Variants in SEC23A observed in about 807,000 individuals in gnomAD.
The protein encoded by SEC23A is SEC23 homolog A, COPII component, also known as protein transport protein Sec23A.
In SEC23A, 56 loss-of-function variants were observed where a neutral mutation model predicts 103.7. The observed-to-expected ratio is 0.54, with a 90% CI of 0.44 to 0.67. SEC23A has a LOEUF of 0.67. Ranked by LOEUF, SEC23A falls within the 30% of genes least tolerant of loss-of-function variation. SEC23A has a pLI of 0.00. For synonymous variants in SEC23A, 281 were observed against 293.0 expected (o/e 0.96, Z 0.42); for missense variants, 784 against 936.4 (o/e 0.84, Z 2.12).
intron 7 of SEC23A, among the ~76,000 whole-genome samples, chr14:39,077,466 C>G (rs151287050): frequency 6.6e-6 from 1 of 151,598 alleles, no homozygotes; most frequent in African/African-American, 2.4e-5. Context: ...TGCTTGAACC[C>G]GGGAGGTGGA....
chr14:39,073,601 CTCTT>C (rs1477698630), intron 9 of SEC23A, among the ~76,000 whole-genome samples: 1 of 135,404 alleles, frequency 7.4e-6, no homozygotes. Context: ...GCTCTGATTC[CTCTT>C]TTTTTTTTTT....
intron 15 of SEC23A, chr14:39,047,466 G>T: frequency 8.7e-7 from 1 of 1,151,362 alleles, no homozygotes; most frequent in Non-Finnish European, 1.1e-6. Context: ...CTGGGTTATA[G>T]ATCAATCAGC....
chr14:39,067,343 G>A lies in SEC23A; in HGVS notation c.1104-47C>T, dbSNP rs773286628. ...ACAACATACTTGACACAGTTACTGA[G>A]TCCGTGTGTTAAAATCGTAGAAGAA... On this transcript the variant is annotated intron_variant, in intron 9 of 19. Transcript: ENST00000307712. 17 of 1,607,730 alleles carry A rather than the reference G, an allele frequency of 1.1e-5. No homozygotes were observed. In the South Asian group the frequency reaches 1.2e-4, roughly 11 times the overall value.
chr14:39,073,699 ACCCGGGTTCAAGCAATTCT>A (rs1465061581), intron 9 of SEC23A, among the ~76,000 whole-genome samples: 4 of 114,056 alleles, frequency 3.5e-5, no homozygotes. Context: ...AACCTCTGCC[ACCCGGGTTCAAGCAATTCT>A]CCTGCCTCAG....
In SEC23A at chr14:39,033,003, A is replaced by G. The variant is rs566653081; in HGVS notation, c.*236T>C. 42 of 496,206 alleles carry G rather than the reference A, an allele frequency of 8.5e-5. No individual in the cohort carries two copies. Among genetic ancestry groups the G allele is most frequent in the African/African-American group, 6.8e-4 (35 of 51,820 alleles). The allele number at this position is 496,206 out of a possible 1,614,324, so 30.7% of individuals were successfully genotyped here. ...ACATAATTAAGTTATAAAGACTTCA[A>G]ATTTCTAGAACCAGCTATAACACTG... On this transcript the variant is annotated 3_prime_UTR_variant, in exon 20 of 20. Coordinates refer to ENST00000307712, the MANE Select transcript of SEC23A (RefSeq NM_006364.4).
Position 39,092,573 on chromosome 14 carries a change from G to C in SEC23A, c.334C>G (p.Pro112Ala). The C allele has an allele frequency of 6.2e-7, 1 of 1,611,196 alleles. No homozygotes were observed. Among genetic ancestry groups the C allele is most frequent in the Non-Finnish European group, 8.5e-7 (1 of 1,178,050 alleles). Residue 112 changes from proline to alanine, a missense_variant, in exon 4 of 20, where the codon CCT (proline) becomes GCT (alanine). Physicochemically the swap from Pro to Ala is conservative, Grantham distance 27. Transcript: ENST00000307712. The part of the protein sequence containing the change: ...SELNQPAELL[P>A]QFSSIEYVVL... ...ACATATTCAATGCTAGAAAACTGAG[G>C]TAAAAGTTCAGCAGGCTGATTCAGT...
intron 8 of SEC23A, among the ~76,000 whole-genome samples, chr14:39,075,558 GAAC>G (rs1294783056): frequency 5.9e-5 from 9 of 152,216 alleles, no homozygotes; most frequent in Non-Finnish European, 1.3e-4. Flanking sequence ...TTTAAGCTAT[GAAC>G]AATATTCATA....
rs555669382 is a variant in SEC23A, at chr14:39,033,066, A to G, written c.*173T>C. 5.5e-5 allele frequency: 34 copies of G among 619,552 alleles called. 1 individual carries two copies. The South Asian group carries it at 6.0e-4, about 11-fold the overall frequency. 38.4% of individuals were successfully genotyped at this position (619,552 alleles called of 1,614,324 possible). On this transcript the variant is annotated 3_prime_UTR_variant, in exon 20 of 20. Coordinates refer to ENST00000307712, the MANE Select transcript of SEC23A (RefSeq NM_006364.4). ...TAAATTTGTTCTTATTGCTCTCATT[A>G]TAATTCCAGCTTAATCTACAAATGT...
intron 7 of SEC23A, among the ~76,000 whole-genome samples, chr14:39,081,866 C>T (rs1408081458): frequency 6.6e-6 from 1 of 152,034 alleles, no homozygotes; most frequent in Non-Finnish European, 1.5e-5. Context: ...CATATATATG[C>T]ACATACATCT....
chr14:39,041,408 G>GCAAAAAAAAAAAAAAAA (rs1885632654), intron 17 of SEC23A: 1 of 8,818 alleles, frequency 1.1e-4, no homozygotes, highest in African/African-American at 4.3e-4. Context: ...CAAAGAAAAA[G>GCAAAAAAAAAAAAAAAA]CAAAAAAAAA....
At chr14:39,093,812 A>T (rs1255180960) in intron 2 of SEC23A, among the ~76,000 whole-genome samples, 1 of 152,038 alleles carries the variant, frequency 6.6e-6, no homozygotes, top group African/African-American at 2.4e-5. Flanking sequence ...AATTAAAATA[A>T]TCCTATTTTT....
intron 19 of SEC23A, among the ~76,000 whole-genome samples, chr14:39,038,619 A>T (rs1231993707): frequency 6.6e-6 from 1 of 152,142 alleles, no homozygotes; most frequent in Non-Finnish European, 1.5e-5. Context: ...AGCTGGGATT[A>T]CAGGCATGAG....
At chr14:39,050,011 G>A (rs1423655214) in intron 14 of SEC23A, among the ~76,000 whole-genome samples, 6 of 151,802 alleles carry the variant, frequency 4.0e-5, no homozygotes, top group African/African-American at 1.2e-4. Context: ...CTCATGATCC[G>A]CCCGTCTCGG....
In SEC23A at chr14:39,085,899, G is replaced by C. The variant is rs375550799; in HGVS notation, c.691C>G (p.Gln231Glu). The C allele has an allele frequency of 5.0e-6, 8 of 1,612,550 alleles. No individual in the cohort carries two copies. The African/African-American group carries it at 8.0e-5, about 16-fold the overall frequency. Residue 231 changes from glutamine to glutamate, a missense_variant, in exon 7 of 20, where the codon CAA becomes GAA. Transcript: ENST00000307712. ...QQPPPSNRFL[Q>E]PVQKIDMNLT... The stretch of plus-strand genomic sequence containing the variant: ...TTCATGTCTATTTTCTGTACTGGTT[G>C]TAAGAATCTAAGAAACAGAATTAAA...
chr14:39,040,771 T>C lies in SEC23A; in HGVS notation c.2103A>G (p.Pro701=), dbSNP rs745479981. ...DAQEILHSRF[P]MPRYIDTEHG... ...GTTCAGTGTCAATGTATCTTGGCAT[T>C]GGAAATCTGGAGTGAAGAATTTCCT... Residue 701 remains proline, a synonymous_variant, in exon 18 of 20, where the codon CCA becomes CCG. Coordinates refer to ENST00000307712, the MANE Select transcript of SEC23A (RefSeq NM_006364.4). 2.5e-6 allele frequency: 4 copies of C among 1,614,102 alleles called. No individual in the cohort carries two copies. In the African/African-American group the frequency reaches 4.0e-5, roughly 16 times the overall value.
chr14:39,051,808 C>CAA (rs766720736), intron 14 of SEC23A, among the ~76,000 whole-genome samples: 1 of 147,872 alleles, frequency 6.8e-6, no homozygotes, highest in African/African-American at 2.5e-5. Context: ...ACTAAAAATA[C>CAA]AAAAAAAAAA....
chr14:39,053,516 T>TTG (rs1886140114), intron 14 of SEC23A, among the ~76,000 whole-genome samples: 1 of 144,138 alleles, frequency 6.9e-6, no homozygotes, highest in Non-Finnish European at 1.5e-5. Context: ...ATCTTTCTTG[T>TTG]TTTTTTTTTT....
chr14:39,053,411 A>C (rs908827707), intron 14 of SEC23A, among the ~76,000 whole-genome samples: 1 of 152,192 alleles, frequency 6.6e-6, no homozygotes, highest in Non-Finnish European at 1.5e-5. Context: ...ATTTAATGTT[A>C]TATCTATCTG....
chr14:39,067,417 G>A, intron 9 of SEC23A, 121 bp from the exon 10 acceptor site: 1 of 1,030,032 alleles, frequency 9.7e-7, no homozygotes, highest in Non-Finnish European at 1.4e-6. Context: ...TTCCCAAAAT[G>A]TGCTGTATTA....
Sources: gnomAD v4.1 joint callset for allele counts (sites outside exome capture counted in the v4.1 genomes callset) on GRCh38, gnomAD v4.1.1 for gene constraint, MANE v1.5 for transcripts, NCBI Gene and HGNC (gene_info 2026-07-23, HGNC 2026-07-21) for gene names.